The following ESRRG variants were observed in gnomAD, a reference collection of about 807,000 sequenced individuals.
ESRRG encodes the protein estrogen-related receptor gamma.
In ESRRG, 13 loss-of-function variants were observed where a neutral mutation model predicts 44.0. That is an observed-to-expected ratio of 0.30 (90% CI 0.19 to 0.47). ESRRG has a LOEUF of 0.47. Ranked by LOEUF, ESRRG falls within the 20% of genes least tolerant of loss-of-function variation. ESRRG has a pLI of 1.00. For synonymous variants in ESRRG, 215 were observed against 214.6 expected (o/e 1.00, Z -0.02); for missense variants, 395 against 580.6 (o/e 0.68, Z 3.29).
At chr1:216,630,088 T>C (rs2063868073) in intron 3 of ESRRG, among the ~76,000 whole-genome samples, 1 of 152,206 alleles carries the variant, frequency 6.6e-6, no homozygotes, top group Non-Finnish European at 1.5e-5. Flanking sequence ...ATTGGGGAAG[T>C]AACTTGACTT....
chr1:216,531,752 A>G (rs1024977880), intron 5 of ESRRG, among the ~76,000 whole-genome samples: 4 of 152,236 alleles, frequency 2.6e-5, no homozygotes, highest in Admixed American at 2.6e-4. Context: ...TTCAAAGTAG[A>G]ATGGAGAAGG....
At chr1:216,710,460 T>C (rs1364517522) in intron 1 of ESRRG, among the ~76,000 whole-genome samples, 4 of 152,092 alleles carry the variant, frequency 2.6e-5, no homozygotes, top group African/African-American at 7.3e-5. Context: ...AGGCAACCAA[T>C]TGCTTTTTTT....
At position 216,875,789 on chromosome 1, in the gene ESRRG, C is replaced by T. The variant is rs1215559855; in HGVS notation, c.-14+63793G>A. On this transcript the variant is annotated intron_variant, in intron 2 of 7. Coordinates refer to the ESRRG transcript ENST00000359162. The stretch of plus-strand genomic sequence containing the variant: ...GGGTGTATACCTACAAGTGAAATTG[C>T]TGGGTCACAGGCTATGCATATGTAC... Among the ~76,000 whole-genome samples the T allele has an allele frequency of 2.6e-5, 4 of 152,046 alleles. No homozygotes were observed. The East Asian group carries it at 5.8e-4, about 22-fold the overall frequency.
chr1:216,932,054 A>C (rs925218189), intron 2 of ESRRG, among the ~76,000 whole-genome samples: 3 of 152,102 alleles, frequency 2.0e-5, no homozygotes, highest in African/African-American at 7.2e-5. Context: ...AAATATAAAA[A>C]TCAGCCGGAC....
intron 3 of ESRRG, among the ~76,000 whole-genome samples, chr1:216,609,887 A>G (rs2060402017): frequency 6.6e-6 from 1 of 152,134 alleles, no homozygotes; most frequent in Admixed American, 6.5e-5. Context: ...GTCAGCTTGT[A>G]TTTTGCACGT....
intron 2 of ESRRG, among the ~76,000 whole-genome samples, chr1:216,753,254 T>C (rs1349517762): frequency 1.3e-5 from 2 of 151,756 alleles, no homozygotes; most frequent in Admixed American, 6.6e-5. Flanking sequence ...CTTGTATTCC[T>C]GTATCGAAAG....
chr1:216,796,997 T>C (rs1033627860), intron 2 of ESRRG, among the ~76,000 whole-genome samples: 14 of 152,138 alleles, frequency 9.2e-5, no homozygotes, highest in African/African-American at 3.4e-4. Flanking sequence ...GTTCAAGCGA[T>C]TCTCCTCCCT....
rs944927172 is a variant in ESRRG, at chr1:216,684,233, G to T, written c.57-6742C>A. On this transcript the variant is annotated intron_variant, in intron 1 of 6. Transcript: ENST00000408911. ...TAGGAAATTGCAGTTGCTTCAATTT[G>T]TATTGCCAGGTGATTTCTTATGCTT... 2.6e-5 allele frequency among the ~76,000 whole-genome samples: 4 copies of T among 152,154 alleles called. No individual in the cohort carries two copies. The South Asian group carries it at 8.3e-4, about 31-fold the overall frequency.
intron 2 of ESRRG, among the ~76,000 whole-genome samples, chr1:216,741,320 TTTATA>T: frequency 6.7e-6 from 1 of 149,126 alleles, no homozygotes; most frequent in African/African-American, 2.4e-5. Context: ...ATGTTTATAA[TTTATA>T]TTATAATTAT....
intron 6 of ESRRG, among the ~76,000 whole-genome samples, chr1:216,514,985 C>CACACAA (rs766929140): frequency 1.4e-5 from 2 of 143,464 alleles, no homozygotes; most frequent in Non-Finnish European, 3.1e-5. Flanking sequence ...CACACACACA[C>CACACAA]AACACACACT....
intron 1 of ESRRG, among the ~76,000 whole-genome samples, chr1:217,135,527 CGCGGCGGCGGCGGCGGCGGTGTTG>C: frequency 6.6e-6 from 1 of 151,368 alleles, no homozygotes; most frequent in Admixed American, 6.6e-5. Flanking sequence ...GGGGCGCGCG[CGCGGCGGCGGCGGCGGCGGTGTTG>C]GCGGCGGCGG....
intron 2 of ESRRG, among the ~76,000 whole-genome samples, chr1:216,900,291 C>A (rs149404710): frequency 2.0e-5 from 3 of 152,162 alleles, no homozygotes; most frequent in Non-Finnish European, 4.4e-5. Flanking sequence ...CGACAACTTG[C>A]AAATCTGGAA....
chr1:216,570,834 G>A (rs1225754154), intron 3 of ESRRG, among the ~76,000 whole-genome samples: 1 of 152,152 alleles, frequency 6.6e-6, no homozygotes, highest in African/African-American at 2.4e-5. Context: ...GACTGAGTTT[G>A]TAGACTCCCT....
rs369376533 is a variant in ESRRG at position 216,973,611 on chromosome 1, G to A, written c.-105-33938C>T. Among the ~76,000 whole-genome samples, 171 of 152,216 alleles carry A rather than the reference G, an allele frequency of 1.1e-3. 3 individuals are homozygous for A. Among genetic ancestry groups the A allele is most frequent in the African/African-American group, 3.7e-3 (155 of 41,546 alleles). ...GGAGGCCGAGGCGGGTGGATCACCT[G>A]AGGTCGGGAGTTCGAGACCAGCCTG... On this transcript the variant is annotated intron_variant, in intron 1 of 7. Coordinates refer to the ESRRG transcript ENST00000359162.
At chr1:216,719,108 G>A (rs2085578467) in intron 1 of ESRRG, among the ~76,000 whole-genome samples, 1 of 151,984 alleles carries the variant, frequency 6.6e-6, no homozygotes, top group African/African-American at 2.4e-5. Flanking sequence ...AACAAATGTT[G>A]AGGAATTTTT....
chr1:216,753,404 T>G (rs1175894413), intron 2 of ESRRG, among the ~76,000 whole-genome samples: 1 of 152,084 alleles, frequency 6.6e-6, no homozygotes, highest in African/African-American at 2.4e-5. Flanking sequence ...GGTTGGAATT[T>G]ATGAGACATG....
chr1:216,930,279 T>C (rs1304096210), intron 2 of ESRRG, among the ~76,000 whole-genome samples: 2 of 152,220 alleles, frequency 1.3e-5, no homozygotes, highest in Non-Finnish European at 2.9e-5. Flanking sequence ...CAAAGGAAGA[T>C]GTGAACATGG....
At chr1:216,559,434 A>G (rs1171902939) in intron 5 of ESRRG, among the ~76,000 whole-genome samples, 2 of 152,340 alleles carry the variant, frequency 1.3e-5, no homozygotes, top group South Asian at 2.1e-4. Flanking sequence ...GCCAGTTAAG[A>G]GTTTTGTGCT....
At chr1:216,724,855 G>C (rs1348036419), upstream of ESRRG, among the ~76,000 whole-genome samples, 1 of 152,108 alleles carries the variant, frequency 6.6e-6, no homozygotes, top group Non-Finnish European at 1.5e-5. Flanking sequence ...TTATGGCAAA[G>C]AGATAACTGC....
Sources: gnomAD v4.1 joint callset for allele counts (sites outside exome capture counted in the v4.1 genomes callset) on GRCh38, gnomAD v4.1.1 for gene constraint, MANE v1.5 for transcripts, NCBI Gene and HGNC (gene_info 2026-07-23, HGNC 2026-07-21) for gene names.